The following SUMF1 variants were observed in gnomAD, a reference collection of about 807,000 sequenced individuals.
The protein encoded by SUMF1 is formylglycine-generating enzyme.
In SUMF1, 48 loss-of-function variants were observed where a neutral mutation model predicts 47.6. That is an observed-to-expected ratio of 1.01 (90% CI 0.80 to 1.28). The LOEUF (loss-of-function observed/expected upper bound fraction) is 1.28. SUMF1 is among the 50% of genes most tolerant of loss of function. SUMF1 has a pLI of 0.00. For synonymous variants in SUMF1, 230 were observed against 192.1 expected (o/e 1.20, Z -1.63); for missense variants, 571 against 485.4 (o/e 1.18, Z -1.66).
intron 8 of SUMF1, among the ~76,000 whole-genome samples, chr3:4,175,403 G>A (rs569894060): frequency 2.0e-5 from 3 of 152,254 alleles, no homozygotes; most frequent in African/African-American, 7.2e-5. Flanking sequence ...AACAGGGTCT[G>A]GAGTGGAACT....
At chr3:4,227,929 C>T (rs1696209716) in intron 8 of SUMF1, among the ~76,000 whole-genome samples, 1 of 152,188 alleles carries the variant, frequency 6.6e-6, no homozygotes, top group Non-Finnish European at 1.5e-5. Context: ...GAGTGTGATG[C>T]TTCTTTGAAG....
At chr3:4,216,568 G>T (rs945786385) in intron 8 of SUMF1, among the ~76,000 whole-genome samples, 10 of 152,212 alleles carry the variant, frequency 6.6e-5, no homozygotes, top group African/African-American at 2.4e-4. Flanking sequence ...AAGAGCTTCT[G>T]CACAGCAAAA....
chr3:4,332,236 T>A (rs1699065450), intron 8 of SUMF1, among the ~76,000 whole-genome samples: 1 of 152,218 alleles, frequency 6.6e-6, no homozygotes, highest in African/African-American at 2.4e-5. Flanking sequence ...TATATATTTA[T>A]AAGATTCTTC....
At chr3:4,315,131 A>G (rs1158305978) in intron 8 of SUMF1, among the ~76,000 whole-genome samples, 1 of 152,192 alleles carries the variant, frequency 6.6e-6, no homozygotes, top group Admixed American at 6.5e-5. Context: ...TTACAAATAC[A>G]TAGTATCAAA....
chr3:4,434,090 CA>C (rs2125080603), intron 3 of SUMF1, among the ~76,000 whole-genome samples: 1 of 152,326 alleles, frequency 6.6e-6, no homozygotes, highest in Non-Finnish European at 1.5e-5. Flanking sequence ...GGAGAATTCA[CA>C]GAGGCTCAAA....
At chr3:4,223,449 G>GTGCCTGGAGCATAGCAGC in intron 8 of SUMF1, among the ~76,000 whole-genome samples, 1 of 152,254 alleles carries the variant, frequency 6.6e-6, no homozygotes, top group East Asian at 1.9e-4. Context: ...GCTCAGAACA[G>GTGCCTGGAGCATAGCAGC]TGCCTGGAGC....
At chr3:4,180,035 C>A (rs1695057867) in intron 8 of SUMF1, among the ~76,000 whole-genome samples, 2 of 152,108 alleles carry the variant, frequency 1.3e-5, no homozygotes, top group Non-Finnish European at 2.9e-5. Flanking sequence ...ATTAAAAAGT[C>A]AGGAAACAAC....
intron 2 of SUMF1, among the ~76,000 whole-genome samples, chr3:4,451,571 C>A (rs1003575482): frequency 5.3e-5 from 8 of 152,196 alleles, no homozygotes; most frequent in Non-Finnish European, 7.3e-5. Context: ...ATGGAGAACC[C>A]TGGTTCTGTA....
chr3:4,150,809 A>C lies in SUMF1; in HGVS notation c.1015-82064T>G, dbSNP rs73809333. ...TGAGGAGTATATTGCTGCCCCAGACAAAAAGAGCTCCATCTCTTCTGTTCT... is the reference window on the plus strand; with the variant it reads ...TGAGGAGTATATTGCTGCCCCAGACCAAAAGAGCTCCATCTCTTCTGTTCT... On this transcript the variant is annotated intron_variant and NMD_transcript_variant, in intron 8 of 12. Transcript: ENST00000448413. 6.7e-3 allele frequency among the ~76,000 whole-genome samples: 1,014 copies of C among 151,606 alleles called. 63 individuals are homozygous for C. The highest frequency in any genetic ancestry group is 0.024 in the African/African-American group (974 of 40,910).
At chr3:4,228,446 A>G (rs190174056) in intron 8 of SUMF1, among the ~76,000 whole-genome samples, 1 of 152,176 alleles carries the variant, frequency 6.6e-6, no homozygotes, top group East Asian at 1.9e-4. Flanking sequence ...TACTCAGGGT[A>G]GCACTGCTGT....
At chr3:4,191,897 C>G (rs1410021896) in intron 8 of SUMF1, among the ~76,000 whole-genome samples, 2 of 152,028 alleles carry the variant, frequency 1.3e-5, no homozygotes, top group Admixed American at 6.6e-5. Flanking sequence ...GAGGCATATT[C>G]TAAATAATGT....
chr3:4,419,598 G>T (rs1036579420), intron 4 of SUMF1, among the ~76,000 whole-genome samples: 7 of 152,100 alleles, frequency 4.6e-5, no homozygotes, highest in Admixed American at 6.5e-5. Context: ...TTAGATGGTG[G>T]CTTCAAAGAA....
intron 8 of SUMF1, among the ~76,000 whole-genome samples, chr3:4,070,171 C>T (rs1695485316): frequency 6.6e-6 from 1 of 152,046 alleles, no homozygotes; most frequent in Admixed American, 6.5e-5. Context: ...TTGAGTTGTC[C>T]CACCTTTCTG....
chr3:4,271,440 A>C (rs1697299217), intron 8 of SUMF1, among the ~76,000 whole-genome samples: 1 of 151,750 alleles, frequency 6.6e-6, no homozygotes, highest in African/African-American at 2.4e-5. Context: ...TTAAAAATCT[A>C]CTCTATTCAA....
intron 8 of SUMF1, among the ~76,000 whole-genome samples, chr3:4,319,713 T>C (rs1698782025): frequency 6.6e-6 from 1 of 152,246 alleles, no homozygotes; most frequent in Non-Finnish European, 1.5e-5. Flanking sequence ...AGCACACACG[T>C]GTTCATAACA....
At chr3:4,175,931 G>A (rs532138076) in intron 8 of SUMF1, among the ~76,000 whole-genome samples, 3 of 152,240 alleles carry the variant, frequency 2.0e-5, no homozygotes, top group African/African-American at 7.2e-5. Context: ...GCGGAAGAAA[G>A]GGTATCAGTG....
chr3:4,035,093 C>A lies in SUMF1; in HGVS notation c.1191+33476G>T, dbSNP rs117711642. ...GGAGGACAACAAAGGCACTGATGGC[C>A]ATAATAAAGTGGGGGACATTTTGAG... is the stretch of plus-strand genomic sequence containing the variant. On this transcript the variant is annotated intron_variant and NMD_transcript_variant, in intron 9 of 12. Coordinates refer to the SUMF1 transcript ENST00000448413. Among the ~76,000 whole-genome samples the A allele has an allele frequency of 2.4e-4, 36 of 152,000 alleles. No individual in the cohort carries two copies. In the East Asian group the frequency reaches 7.0e-3, roughly 30 times the overall value.
chr3:4,094,449 G>C (rs534415620), intron 8 of SUMF1, among the ~76,000 whole-genome samples: 2 of 152,198 alleles, frequency 1.3e-5, no homozygotes, highest in East Asian at 1.9e-4. Context: ...AAGGATATCA[G>C]TGTAGTGAAA....
chr3:4,179,612 C>T (rs1320148057), intron 8 of SUMF1, among the ~76,000 whole-genome samples: 3 of 152,048 alleles, frequency 2.0e-5, no homozygotes, highest in East Asian at 1.9e-4. Context: ...CTAGGCAATA[C>T]CATTCAGGAC....
Sources: gnomAD v4.1 joint callset for allele counts (sites outside exome capture counted in the v4.1 genomes callset) on GRCh38, gnomAD v4.1.1 for gene constraint, MANE v1.5 for transcripts, NCBI Gene and HGNC (gene_info 2026-07-23, HGNC 2026-07-21) for gene names.